EXOC6B: variants seen among roughly 807,000 people sequenced by gnomAD.
The protein encoded by EXOC6B is exocyst complex component 6B.
A neutral mutation model predicts 113.5 loss-of-function variants in EXOC6B; 54 were observed. That is an observed-to-expected ratio of 0.48 (90% CI 0.38 to 0.60). The LOEUF is 0.60. Among genes scored for constraint, EXOC6B ranks in the 20% least tolerant of loss-of-function variants. EXOC6B has a pLI of 0.00. For missense variants in EXOC6B, 797 were observed against 977.5 expected (o/e 0.82, Z 2.46); for synonymous variants, 357 against 339.0 (o/e 1.05, Z -0.58).
At chr2:72,472,862 GT>G (rs1698495517) in intron 17 of EXOC6B, among the ~76,000 whole-genome samples, 1 of 152,106 alleles carries the variant, frequency 6.6e-6, no homozygotes, top group Non-Finnish European at 1.5e-5. Context: ...TGTCCCACAG[GT>G]TGTGATATGT....
intron 20 of EXOC6B, among the ~76,000 whole-genome samples, chr2:72,260,652 C>T (rs187781179): frequency 6.6e-6 from 1 of 152,234 alleles, no homozygotes; most frequent in African/African-American, 2.4e-5. Flanking sequence ...ATGAGCCATC[C>T]AGATAATTTG....
intron 18 of EXOC6B, among the ~76,000 whole-genome samples, chr2:72,441,488 C>A (rs1696197352): frequency 6.6e-6 from 1 of 150,470 alleles, no homozygotes; most frequent in South Asian, 2.1e-4. Flanking sequence ...AATAGATAAA[C>A]CTTTAACTAG....
intron 20 of EXOC6B, among the ~76,000 whole-genome samples, chr2:72,206,221 C>T (rs1679833038): frequency 6.6e-6 from 1 of 152,160 alleles, no homozygotes; most frequent in Non-Finnish European, 1.5e-5. Flanking sequence ...AATCACACTG[C>T]TATTAAGCAA....
chr2:72,475,174 G>A (rs1228704314), intron 17 of EXOC6B, among the ~76,000 whole-genome samples: 1 of 152,078 alleles, frequency 6.6e-6, no homozygotes, highest in African/African-American at 2.4e-5. Context: ...GCTCCAGGGT[G>A]GTCTGGCACC....
intron 1 of EXOC6B, among the ~76,000 whole-genome samples, chr2:72,810,988 C>T (rs1042564719): frequency 6.6e-6 from 1 of 151,780 alleles, no homozygotes; most frequent in Non-Finnish European, 1.5e-5. Flanking sequence ...TTCCAGTGAA[C>T]CGAGATCACA....
intron 7 of EXOC6B, among the ~76,000 whole-genome samples, chr2:72,562,417 A>G (rs1187395124): frequency 6.6e-6 from 1 of 152,106 alleles, no homozygotes; most frequent in Admixed American, 6.6e-5. Flanking sequence ...AGCTATATTC[A>G]TACTTCTTCC....
intron 20 of EXOC6B, among the ~76,000 whole-genome samples, chr2:72,269,663 G>T (rs906491671): frequency 1.3e-5 from 2 of 152,064 alleles, no homozygotes; most frequent in Non-Finnish European, 2.9e-5. Flanking sequence ...GGCAACCTTT[G>T]ACATCAGAAG....
intron 1 of EXOC6B, among the ~76,000 whole-genome samples, chr2:72,775,709 C>T (rs186280643): frequency 7.8e-4 from 118 of 152,104 alleles, no homozygotes; most frequent in African/African-American, 2.7e-3. Context: ...TTTGTAATGA[C>T]GGAACTTTAA....
chr2:72,523,574 C>A (rs1207859692), intron 8 of EXOC6B, among the ~76,000 whole-genome samples: 1 of 151,990 alleles, frequency 6.6e-6, no homozygotes, highest in Non-Finnish European at 1.5e-5. Flanking sequence ...GTCAGGAGAT[C>A]GTAGCCATCC....
intron 20 of EXOC6B, among the ~76,000 whole-genome samples, chr2:72,240,805 G>A (rs1682268912): frequency 6.6e-6 from 1 of 152,142 alleles, no homozygotes; most frequent in African/African-American, 2.4e-5. Context: ...GCATATAAGA[G>A]GCTTAGAATT....
intron 20 of EXOC6B, among the ~76,000 whole-genome samples, chr2:72,282,723 AAC>A (rs957056538): frequency 5.3e-5 from 8 of 152,074 alleles, no homozygotes; most frequent in African/African-American, 1.7e-4. Flanking sequence ...ATGATGGAAA[AAC>A]ACATATCATG....
intron 8 of EXOC6B, among the ~76,000 whole-genome samples, chr2:72,543,789 G>A (rs1200852926): frequency 6.6e-6 from 1 of 152,146 alleles, no homozygotes; most frequent in Non-Finnish European, 1.5e-5. Flanking sequence ...TAGTGTTTAT[G>A]CCTATCTAAC....
Position 72,535,866 on chromosome 2 carries a change from G to C in EXOC6B, c.916-20740C>G, listed in dbSNP as rs1035643455. ...GCCTGGGCAACGAGAGCAAAATTCTGTCTCAAAAAAAAAAAAAAAAATTAT... is the reference window on the plus strand; with the variant it reads ...GCCTGGGCAACGAGAGCAAAATTCTCTCTCAAAAAAAAAAAAAAAAATTAT... On this transcript the variant is annotated intron_variant, in intron 8 of 21. Coordinates refer to ENST00000272427, the MANE Select transcript of EXOC6B (RefSeq NM_015189.3). 2.6e-4 allele frequency among the ~76,000 whole-genome samples: 23 copies of C among 87,936 alleles called. 1 individual carries two copies. Among genetic ancestry groups the C allele is most frequent in the African/African-American group, 6.1e-4 (22 of 36,120 alleles). The allele number at this position is 87,936 out of a possible 152,430, so 57.7% of individuals were successfully genotyped here.
At chr2:72,664,081 G>A (rs1675215194) in intron 6 of EXOC6B, among the ~76,000 whole-genome samples, 1 of 152,102 alleles carries the variant, frequency 6.6e-6, no homozygotes, top group African/African-American at 2.4e-5. Context: ...GACGAGGCAG[G>A]AAGATGGTTT....
At chr2:72,351,349 G>A (rs545232609) in intron 19 of EXOC6B, among the ~76,000 whole-genome samples, 36 of 152,248 alleles carry the variant, frequency 2.4e-4, no homozygotes, top group Non-Finnish European at 4.1e-4. Flanking sequence ...CAATAGCGAC[G>A]TAAGAAAAAT....
intron 2 of EXOC6B, among the ~76,000 whole-genome samples, chr2:72,740,727 C>T (rs1681255122): frequency 6.6e-6 from 1 of 152,182 alleles, no homozygotes; most frequent in Admixed American, 6.5e-5. Flanking sequence ...AAGAGTCAAA[C>T]TGAGTTTCTG....
chr2:72,628,088 G>A (rs1023743684), intron 6 of EXOC6B, among the ~76,000 whole-genome samples: 2 of 151,970 alleles, frequency 1.3e-5, no homozygotes, highest in African/African-American at 2.4e-5. Flanking sequence ...AGTTTTTATA[G>A]AGATGCTTTT....
chr2:72,538,545 T>G (rs1702428615), intron 8 of EXOC6B, among the ~76,000 whole-genome samples: 1 of 152,170 alleles, frequency 6.6e-6, no homozygotes. Context: ...GGTGTGTATC[T>G]TACACTTAAC....
intron 18 of EXOC6B, among the ~76,000 whole-genome samples, chr2:72,413,133 T>C (rs1400022405): frequency 2.0e-5 from 3 of 151,858 alleles, no homozygotes; most frequent in Non-Finnish European, 4.4e-5. Context: ...GAAGTTTTTT[T>C]TGTATTTTTA....
Sources: allele counts gnomAD v4.1 joint callset (sites outside exome capture counted in the v4.1 genomes callset), GRCh38; gene constraint gnomAD v4.1.1; transcripts MANE v1.5; gene names NCBI Gene and HGNC (gene_info 2026-07-23, HGNC 2026-07-21).